Variants in SIM1 observed in about 807,000 individuals in gnomAD.
SIM1 encodes the protein single-minded homolog 1.
In SIM1, 18 loss-of-function variants were observed where a neutral mutation model predicts 78.2. That is an observed-to-expected ratio of 0.23 (90% CI 0.16 to 0.34). The LOEUF (loss-of-function observed/expected upper bound fraction) is 0.34, where lower values mean the gene tolerates loss of function less well. Among genes scored for constraint, SIM1 ranks in the 10% least tolerant of loss-of-function variants. The pLI, the probability that SIM1 is intolerant of heterozygous loss-of-function variation, is 1.00. For missense variants in SIM1, 939 were observed against 975.1 expected (o/e 0.96, Z 0.49); for synonymous variants, 417 against 385.2 (o/e 1.08, Z -0.97).
chr6:100,448,341 C>T, intron 7 of SIM1, 89 bp from the exon 8 acceptor site: 1 of 1,354,100 alleles, frequency 7.4e-7, no homozygotes, highest in Non-Finnish European at 1.0e-6. Context: ...TGACACCTAG[C>T]TGTCCGCCCT....
chr6:100,446,548 T>C lies in SIM1; in HGVS notation c.998+720A>G, dbSNP rs146120622. ...CGCACACCAGGCCACGTGATGAGCC[T>C]GCAGGGCCACACTGGCAACCAGAAA... On this transcript the variant is annotated intron_variant, in intron 9 of 11. Coordinates refer to ENST00000369208, the MANE Select transcript of SIM1 (RefSeq NM_005068.3). Among the ~76,000 whole-genome samples the C allele has an allele frequency of 4.3e-3, 657 of 152,368 alleles. 3 individuals carry two copies. The highest frequency in any genetic ancestry group is 0.015 in the African/African-American group (609 of 41,586).
At chr6:100,450,439 T>G (rs1772478967) in intron 3 of SIM1, 83 bp from the exon 4 acceptor site, 1 of 1,262,202 alleles carries the variant, frequency 7.9e-7, no homozygotes. Context: ...GTTAGTGACT[T>G]TCAGCCAAAA....
intron 2 of SIM1, among the ~76,000 whole-genome samples, chr6:100,458,759 C>T (rs894998506): frequency 6.6e-6 from 1 of 152,206 alleles, no homozygotes; most frequent in Non-Finnish European, 1.5e-5. Context: ...CCTGCGCCGC[C>T]GAGGCCGAGT....
At chr6:100,451,947 A>G (rs1479068550) in intron 3 of SIM1, among the ~76,000 whole-genome samples, 1 of 152,210 alleles carries the variant, frequency 6.6e-6, no homozygotes, top group African/African-American at 2.4e-5. Context: ...TAGAGAAACC[A>G]GTTGGTTTCA....
chr6:100,422,073 T>C (rs545671885), intron 9 of SIM1, among the ~76,000 whole-genome samples: 1 of 152,338 alleles, frequency 6.6e-6, no homozygotes, highest in African/African-American at 2.4e-5. Context: ...GGCATGCACT[T>C]TGTGCAACAA....
rs1770563005 is a variant in SIM1, at chr6:100,388,597, G to A, written c.*1764C>T. The A allele has an allele frequency of 6.6e-6, 1 of 152,130 alleles. No homozygotes were observed. Among genetic ancestry groups the A allele is most frequent in the Non-Finnish European group, 1.5e-5 (1 of 68,026 alleles). 9.4% of individuals were successfully genotyped at this position (152,130 alleles called of 1,614,324 possible). A position where few individuals can be genotyped will look rare whatever the true frequency, so the allele number is the denominator to read the frequency against. On this transcript the variant is annotated 3_prime_UTR_variant, in exon 12 of 12. Transcript: ENST00000369208. ...TCAGATTGTCACCTACCTATGGACT[G>A]TGAAATAACTGTGTTAAATGATGAA...
At chr6:100,433,917 C>A (rs1002407380) in intron 9 of SIM1, among the ~76,000 whole-genome samples, 7 of 152,150 alleles carry the variant, frequency 4.6e-5, no homozygotes, top group Admixed American at 3.9e-4. Context: ...AATGCATGAA[C>A]CATCCCCAGC....
chr6:100,390,530 T>C lies in SIM1; in HGVS notation c.2132A>G (p.Tyr711Cys). 3.7e-6 allele frequency: 6 copies of C among 1,614,190 alleles called. No homozygotes were observed. Among genetic ancestry groups the C allele is most frequent in the East Asian group, 2.2e-5 (1 of 44,882 alleles). The change falls in exon 12 of 12, where the codon TAC becomes TGC. Residue 711 changes from tyrosine (Y) to cysteine (C), a missense_variant. Tyr to Cys is a radical substitution (Grantham distance 194, BLOSUM62 -2). This residue lies in a region of SIM1 where 556 missense variants were observed against 521.9 expected (regional missense o/e 1.07). Coordinates refer to ENST00000369208, the MANE Select transcript of SIM1 (RefSeq NM_005068.3). ...CTCCAGGGCATATCCAGTTAATGTG[T>C]AAGCATGCTTGTCAAAATACTGCCG... ...SHRQYFDKHA[Y>C]TLTGYALEHL... is the part of the protein sequence containing the mutation.
intron 2 of SIM1, among the ~76,000 whole-genome samples, chr6:100,458,006 T>TCTCTCTC (rs1772719502): frequency 1.1e-5 from 1 of 90,250 alleles, no homozygotes; most frequent in Non-Finnish European, 2.5e-5. Flanking sequence ...GTCTCTCTCT[T>TCTCTCTC]TCTCTCTCTC....
rs1770564983 is a variant in SIM1, at chr6:100,388,712, A to T, written c.*1649T>A. ...TGCCAGTACATTCCCTTCCTTAAATATGGCAAGAGTTTTGGGCACGGGACT... is the reference window on the plus strand; with the variant it reads ...TGCCAGTACATTCCCTTCCTTAAATTTGGCAAGAGTTTTGGGCACGGGACT... On this transcript the variant is annotated 3_prime_UTR_variant, in exon 12 of 12. Transcript: ENST00000369208. 1.3e-5 allele frequency: 2 copies of T among 152,140 alleles called. No homozygotes were observed. The highest frequency in any genetic ancestry group is 2.9e-5 in the Non-Finnish European group (2 of 68,020). 9.4% of individuals were successfully genotyped at this position (152,140 alleles called of 1,614,324 possible). A position where few individuals can be genotyped will look rare whatever the true frequency, so the allele number is the denominator to read the frequency against.
chr6:100,461,897 C>T (rs1337801200), intron 2 of SIM1, among the ~76,000 whole-genome samples: 2 of 138,176 alleles, frequency 1.4e-5, no homozygotes, highest in Admixed American at 7.0e-5. Flanking sequence ...TTCTTTTTTC[C>T]CCACAGTTTC....
Position 100,463,717 on chromosome 6 carries a change from G to GATCCACCGAATTTGGGCA in SIM1, c.-267_-250dup. 2.8e-6 allele frequency: 1 copy of GATCCACCGAATTTGGGCA among 362,908 alleles called. No individual in the cohort carries two copies. 22.5% of individuals were successfully genotyped at this position (362,908 alleles called of 1,614,324 possible). ...AGTTGCTGATCCACCGAATTTGGGCGATCCACCGAATTTGGGCAATCCTGA... is the reference window on the plus strand; with the variant it reads ...AGTTGCTGATCCACCGAATTTGGGCGATCCACCGAATTTGGGCAATCCACCGAATTTGGGCAATCCTGA... On this transcript the variant is annotated 5_prime_UTR_variant, in exon 2 of 12. Coordinates refer to ENST00000369208, the MANE Select transcript of SIM1 (RefSeq NM_005068.3).
chr6:100,446,213 T>C (rs1031531595), intron 9 of SIM1, among the ~76,000 whole-genome samples: 9 of 152,238 alleles, frequency 5.9e-5, no homozygotes, highest in African/African-American at 2.2e-4. Flanking sequence ...ACATTTTTAA[T>C]TTGGCAATTT....
chr6:100,450,463 G>T, intron 3 of SIM1, 107 bp from the exon 4 acceptor site: 2 of 929,520 alleles, frequency 2.2e-6, no homozygotes, highest in South Asian at 1.4e-5. Context: ...TAGAGAGATG[G>T]AGTGGAGCAG....
intron 1 of SIM1, 105 bp downstream of exon 1, chr6:100,464,509 C>T (rs545881377): frequency 6.6e-6 from 1 of 152,278 alleles, no homozygotes; most frequent in African/African-American, 2.4e-5. Context: ...TCGCGACAGC[C>T]CCTCGCAGGC....
At chr6:100,415,860 G>GT (rs1384756370) in intron 10 of SIM1, among the ~76,000 whole-genome samples, 4 of 152,182 alleles carry the variant, frequency 2.6e-5, no homozygotes, top group Non-Finnish European at 5.9e-5. Context: ...ACAGAGGGAG[G>GT]TGGTGGGAAA....
At chr6:100,416,795 C>A (rs963247644) in intron 10 of SIM1, among the ~76,000 whole-genome samples, 6 of 152,048 alleles carry the variant, frequency 3.9e-5, no homozygotes, top group Admixed American at 3.9e-4. Context: ...AGAAAAGATA[C>A]AAGCAACAAA....
At chr6:100,392,897 G>C (rs566596049) in intron 11 of SIM1, among the ~76,000 whole-genome samples, 4 of 152,242 alleles carry the variant, frequency 2.6e-5, no homozygotes, top group Non-Finnish European at 5.9e-5. Flanking sequence ...ATAAAGCCAT[G>C]TAATTATCCC....
intron 2 of SIM1, among the ~76,000 whole-genome samples, chr6:100,461,841 C>CTTTTTTTTTTTTTTTTT (rs10522700): frequency 1.8e-5 from 2 of 113,348 alleles, no homozygotes; most frequent in Non-Finnish European, 1.8e-5. Context: ...TTCTTTCTTT[C>CTTTTTTTTTTTTTTTTT]TTTTTTTTTT....
Sources: allele counts gnomAD v4.1 joint callset (sites outside exome capture counted in the v4.1 genomes callset), GRCh38; gene constraint gnomAD v4.1.1; regional missense constraint gnomAD v4.1.1; transcripts MANE v1.5; gene names NCBI Gene and HGNC (gene_info 2026-07-23, HGNC 2026-07-21).